The following XRCC2 variants were observed in gnomAD, a reference collection of about 807,000 sequenced individuals.
The protein encoded by XRCC2 is X-ray repair cross complementing 2.
In XRCC2, 24 loss-of-function variants were observed where a neutral mutation model predicts 27.3. The ratio of observed to expected loss-of-function variants is 0.88; its 90% CI spans 0.64 to 1.24. XRCC2 has a LOEUF of 1.24. Among genes scored for constraint, XRCC2 ranks in the 50% most tolerant of loss-of-function variants. XRCC2 has a pLI of 0.00. For synonymous variants in XRCC2, 106 were observed against 115.4 expected (o/e 0.92, Z 0.52); for missense variants, 321 against 325.8 (o/e 0.99, Z 0.11).
intron 1 of XRCC2, chr7:152,663,997 T>C (rs1260392982): frequency 6.6e-6 from 1 of 152,374 alleles, no homozygotes; most frequent in East Asian, 1.9e-4. Context: ...TATGTCCACA[T>C]GGCAGAGCCC....
In XRCC2 at chr7:152,648,657, C is replaced by T. The variant is rs1590129146; in HGVS notation, c.828G>A (p.Gly276=). 7 of 1,600,950 alleles carry T rather than the reference C, an allele frequency of 4.4e-6. No homozygotes were observed. The highest frequency in any genetic ancestry group is 1.7e-5 in the Admixed American group (1 of 58,204). The change falls in exon 3 of 3, where the codon GGG becomes GGA. Residue 276 remains glycine (G), a synonymous_variant. Coordinates refer to ENST00000359321, the MANE Select transcript of XRCC2 (RefSeq NM_005431.2). ...KKHFFIIGES[G]VEFC ...ATGATGTATATCAACAAAATTCAAC[C>T]CCACTTTCTCCAATAATAAAAAAAT...
intron 2 of XRCC2, among the ~76,000 whole-genome samples, chr7:152,656,476 C>T (rs2098030749): frequency 6.6e-6 from 1 of 152,202 alleles, no homozygotes; most frequent in African/African-American, 2.4e-5. Flanking sequence ...CTGTAACAAG[C>T]TCTGATAAAC....
In XRCC2 at chr7:152,655,480, G is replaced by A. The variant is rs542504492; in HGVS notation, c.121+5221C>T. ...TCCCAGCACTTTGGGAGGCTGAGGT[G>A]GGCAGATGGCTTGAGCCCAGGAGTT... On this transcript the variant is annotated intron_variant, in intron 2 of 2. Transcript: ENST00000359321. 5.9e-5 allele frequency among the ~76,000 whole-genome samples: 9 copies of A among 151,594 alleles called. No homozygotes were observed. In the East Asian group the frequency reaches 1.8e-3, roughly 30 times the overall value.
At chr7:152,667,405 C>CAATAA (rs1414290828) in intron 1 of XRCC2, among the ~76,000 whole-genome samples, 3 of 75,892 alleles carry the variant, frequency 4.0e-5, no homozygotes, top group Non-Finnish European at 6.8e-5. Flanking sequence ...AACTCCGTCT[C>CAATAA]AAAAAAAAAA....
intron 1 of XRCC2, 116 bp from the exon 2 acceptor site, chr7:152,660,898 G>A (rs2098032827): frequency 1.2e-6 from 1 of 860,322 alleles, no homozygotes; most frequent in Non-Finnish European, 1.7e-6. Flanking sequence ...GCTGGGTGCT[G>A]TGGCTCACAC....
Position 152,648,936 on chromosome 7 carries a change from A to C in XRCC2, c.549T>G (p.Leu183=). 2.5e-6 allele frequency: 4 copies of C among 1,614,176 alleles called. No individual in the cohort carries two copies. Among genetic ancestry groups the C allele is most frequent in the Non-Finnish European group, 3.4e-6 (4 of 1,180,030 alleles). ...LRKCSQCLEK[L]VNDYRLVLFA... is the part of the protein sequence containing the mutation. Reference sequence around the variant, plus strand: ...AAAGAACCAGGCGATAGTCATTTACAAGCTTCTCTAAGCACTGAGAACATT... The same window carrying C: ...AAAGAACCAGGCGATAGTCATTTACCAGCTTCTCTAAGCACTGAGAACATT... The change falls in exon 3 of 3, where the codon CTT becomes CTG. Residue 183 remains leucine (L), a synonymous_variant. Coordinates refer to ENST00000359321, the MANE Select transcript of XRCC2 (RefSeq NM_005431.2).
chr7:152,656,602 T>C (rs1244570303), intron 2 of XRCC2, among the ~76,000 whole-genome samples: 3 of 61,812 alleles, frequency 4.9e-5, no homozygotes, highest in African/African-American at 1.0e-4. Context: ...TTCAGTAAAC[T>C]TTTTTGTTAG....
intron 1 of XRCC2, among the ~76,000 whole-genome samples, chr7:152,664,761 C>T (rs1459122398): frequency 6.6e-6 from 1 of 152,082 alleles, no homozygotes; most frequent in East Asian, 1.9e-4. Flanking sequence ...GCAAGACAGG[C>T]CCCAAGGAAT....
At chr7:152,671,368 T>C (rs564353270) in intron 1 of XRCC2, among the ~76,000 whole-genome samples, 1 of 152,318 alleles carries the variant, frequency 6.6e-6, no homozygotes, top group African/African-American at 2.4e-5. Flanking sequence ...TCCCCTCATA[T>C]ACTTTAATAT....
rs751911082 is a variant in XRCC2, at chr7:152,649,165, ATTTC to A, written c.316_319del (p.Glu106Ter). ...AAATCTTCCCAGGCAGTATTTGATT[ATTTC>A]TTCAGAGCTTTGGGATAGTCTGTGC... On this transcript the variant is annotated frameshift_variant, in exon 3 of 3. Coordinates refer to ENST00000359321, the MANE Select transcript of XRCC2 (RefSeq NM_005431.2). LOFTEE classifies it high-confidence loss of function. 6.2e-7 allele frequency: 1 copy of A among 1,613,682 alleles called. No homozygotes were observed. Among genetic ancestry groups the A allele is most frequent in the Admixed American group, 1.7e-5 (1 of 59,998 alleles).
Position 152,660,782 on chromosome 7 carries a change from G to A in XRCC2, c.40C>T (p.Leu14Phe), listed in dbSNP as rs1029144797. Residue 14 changes from leucine (L) to phenylalanine (F), a missense_variant and splice_region_variant, in exon 2 of 3, where the codon CTC becomes TTC. Physicochemically the swap from Leu to Phe is conservative, Grantham distance 22. Coordinates refer to ENST00000359321, the MANE Select transcript of XRCC2 (RefSeq NM_005431.2). ...CTTCTACCTTCAAGTCGGGCAAGGAGCTTATAAAAGAAGAGAGAAGGAAAA... is the reference window on the plus strand; with the variant it reads ...CTTCTACCTTCAAGTCGGGCAAGGAACTTATAAAAGAAGAGAGAAGGAAAA... ...AFHRAESGTE[L>F]LARLEGRSSL... 2 of 1,606,040 alleles carry A rather than the reference G, an allele frequency of 1.2e-6. No homozygotes were observed. Among genetic ancestry groups the A allele is most frequent in the Non-Finnish European group, 1.7e-6 (2 of 1,176,596 alleles).
chr7:152,674,114 G>A (rs2098039314), intron 1 of XRCC2, among the ~76,000 whole-genome samples: 1 of 152,104 alleles, frequency 6.6e-6, no homozygotes, highest in African/African-American at 2.4e-5. Context: ...CAATTGCCTA[G>A]CTTCCTATTC....
At chr7:152,651,948 T>C (rs967717733) in intron 2 of XRCC2, among the ~76,000 whole-genome samples, 1 of 151,904 alleles carries the variant, frequency 6.6e-6, no homozygotes, top group African/African-American at 2.4e-5. Context: ...GGAGGATCAC[T>C]TGAGCCCAGG....
At chr7:152,651,907 T>C (rs1410827588) in intron 2 of XRCC2, among the ~76,000 whole-genome samples, 2 of 151,862 alleles carry the variant, frequency 1.3e-5, no homozygotes, top group African/African-American at 4.8e-5. Context: ...GTGGCTCACA[T>C]CTGTAATCCA....
At position 152,655,498 on chromosome 7, in the gene XRCC2, C is replaced by T. The variant is rs3218498; in HGVS notation, c.121+5203G>A. Reference sequence around the variant, plus strand: ...CTGAGGTGGGCAGATGGCTTGAGCCCAGGAGTTCAAGACCATCCTGGGCAA... The same window carrying T: ...CTGAGGTGGGCAGATGGCTTGAGCCTAGGAGTTCAAGACCATCCTGGGCAA... On this transcript the variant is annotated intron_variant, in intron 2 of 2. Coordinates refer to ENST00000359321, the MANE Select transcript of XRCC2 (RefSeq NM_005431.2). 1.8e-3 allele frequency among the ~76,000 whole-genome samples: 280 copies of T among 152,098 alleles called. 4 individuals are homozygous for T. Among genetic ancestry groups the T allele is most frequent in the Admixed American group, 0.016 (249 of 15,272 alleles).
At position 152,646,493 on chromosome 7, in the gene XRCC2, T is replaced by C. The variant is rs1261440123; in HGVS notation, c.*2149A>G. The stretch of plus-strand genomic sequence containing the variant: ...ATGATCTTGTTCCTTATATTTTATT[T>C]TTTATTTTTTAGAGATGGAGTCGCC... On this transcript the variant is annotated 3_prime_UTR_variant, in exon 3 of 3. Coordinates refer to ENST00000359321, the MANE Select transcript of XRCC2 (RefSeq NM_005431.2). 1 of 152,214 alleles carries C rather than the reference T, an allele frequency of 6.6e-6. No homozygotes were observed. Among genetic ancestry groups the C allele is most frequent in the Non-Finnish European group, 1.5e-5 (1 of 68,062 alleles). 9.4% of individuals were successfully genotyped at this position (152,214 alleles called of 1,614,324 possible).
intron 1 of XRCC2, among the ~76,000 whole-genome samples, chr7:152,668,056 A>C (rs1431302061): frequency 6.6e-6 from 1 of 151,962 alleles, no homozygotes; most frequent in Non-Finnish European, 1.5e-5. Context: ...ACTTCTAAAC[A>C]TAGGCAGAAA....
chr7:152,666,908 G>A (rs1005861611), intron 1 of XRCC2, among the ~76,000 whole-genome samples: 14 of 151,854 alleles, frequency 9.2e-5, no homozygotes, highest in South Asian at 2.1e-4. Flanking sequence ...ATGAGCCACT[G>A]CGCCCAGCAA....
chr7:152,667,809 T>C (rs987494442), intron 1 of XRCC2, among the ~76,000 whole-genome samples: 4 of 152,122 alleles, frequency 2.6e-5, no homozygotes, highest in African/African-American at 9.7e-5. Context: ...GTGGATCACC[T>C]GAGGTCAGGA....
Sources: allele counts gnomAD v4.1 joint callset (sites outside exome capture counted in the v4.1 genomes callset), GRCh38; gene constraint gnomAD v4.1.1; transcripts MANE v1.5; gene names NCBI Gene and HGNC (gene_info 2026-07-23, HGNC 2026-07-21).